TAOK1: variants seen among roughly 807,000 people sequenced by gnomAD.
The protein encoded by TAOK1 is serine/threonine-protein kinase TAO1.
TAOK1 carries 21 observed loss-of-function variants against 138.3 expected under a neutral mutation model. That is an observed-to-expected ratio of 0.15 (90% CI 0.11 to 0.22). The LOEUF (loss-of-function observed/expected upper bound fraction) is 0.22, where lower values mean the gene tolerates loss of function less well. TAOK1 is among the 10% of genes least tolerant of loss of function. The pLI is 1.00. For synonymous variants in TAOK1, 361 were observed against 398.4 expected (o/e 0.91, Z 1.12); for missense variants, 651 against 1,227.7 (o/e 0.53, Z 7.02).
chr17:29,457,906 C>G lies in TAOK1; in HGVS notation c.132+6226C>G, dbSNP rs143457775. Among the ~76,000 whole-genome samples, 17 of 152,008 alleles carry G rather than the reference C, an allele frequency of 1.1e-4. No homozygotes were observed. In the East Asian group the frequency reaches 3.1e-3, roughly 28 times the overall value. Reference sequence around the variant, plus strand: ...CAGGCAGATCAGGAGGTCAGGAGATCGAGACCATCCTGGCTAACACGGTGA... The same window carrying G: ...CAGGCAGATCAGGAGGTCAGGAGATGGAGACCATCCTGGCTAACACGGTGA... On this transcript the variant is annotated intron_variant, in intron 2 of 19. Coordinates refer to ENST00000261716, the MANE Select transcript of TAOK1 (RefSeq NM_020791.4).
chr17:29,548,345 T>C lies in TAOK1; in HGVS notation c.*5323T>C, dbSNP rs2032435518. On this transcript the variant is annotated 3_prime_UTR_variant, in exon 20 of 20. Coordinates refer to ENST00000261716, the MANE Select transcript of TAOK1 (RefSeq NM_020791.4). The stretch of plus-strand genomic sequence containing the variant: ...GAATTAAAACTGGGGAGCCATTTAC[T>C]ATGTCACCATCACTGTTAACTGTTT... 1 of 152,176 alleles carries C rather than the reference T, an allele frequency of 6.6e-6. No individual in the cohort carries two copies. The highest frequency in any genetic ancestry group is 1.5e-5 in the Non-Finnish European group (1 of 68,002). The allele number at this position is 152,176 out of a possible 1,614,324, so 9.4% of individuals were successfully genotyped here. A position where few individuals can be genotyped will look rare whatever the true frequency, so the allele number is the denominator to read the frequency against.
At chr17:29,479,351 A>G (rs1414209977) in intron 6 of TAOK1, among the ~76,000 whole-genome samples, 1 of 152,204 alleles carries the variant, frequency 6.6e-6, no homozygotes, top group Non-Finnish European at 1.5e-5. Context: ...TAAACTATAT[A>G]ATAGAGTCAT....
At chr17:29,504,625 G>A (rs771854356) in intron 13 of TAOK1, among the ~76,000 whole-genome samples, 2 of 150,930 alleles carry the variant, frequency 1.3e-5, no homozygotes, top group African/African-American at 4.9e-5. Flanking sequence ...AGCTGAGATC[G>A]CACTATTGCA....
intron 2 of TAOK1, among the ~76,000 whole-genome samples, chr17:29,455,387 A>G (rs1208020588): frequency 6.6e-6 from 1 of 150,384 alleles, no homozygotes; most frequent in Non-Finnish European, 1.5e-5. Flanking sequence ...GATTCTTTGA[A>G]ATTTCTACGT....
At chr17:29,485,777 G>GTA (rs1181697170) in intron 8 of TAOK1, among the ~76,000 whole-genome samples, 1 of 152,172 alleles carries the variant, frequency 6.6e-6, no homozygotes, top group Non-Finnish European at 1.5e-5. Context: ...TTCTGTATAA[G>GTA]TATATATAAT....
At chr17:29,439,841 G>T (rs1906157784) in intron 1 of TAOK1, among the ~76,000 whole-genome samples, 1 of 133,804 alleles carries the variant, frequency 7.5e-6, no homozygotes, top group Admixed American at 7.9e-5. Context: ...CCAGGGCAAC[G>T]TAGTGAAAAA....
intron 2 of TAOK1, among the ~76,000 whole-genome samples, chr17:29,460,686 T>A (rs1460014622): frequency 6.6e-6 from 1 of 152,234 alleles, no homozygotes; most frequent in Non-Finnish European, 1.5e-5. Flanking sequence ...AATATTTTAT[T>A]TCCATTTGTG....
At chr17:29,458,006 A>C (rs1183262375) in intron 2 of TAOK1, among the ~76,000 whole-genome samples, 1 of 151,926 alleles carries the variant, frequency 6.6e-6, no homozygotes, top group Non-Finnish European at 1.5e-5. Context: ...GCTACTTGGG[A>C]GGCTAAGGCA....
intron 1 of TAOK1, among the ~76,000 whole-genome samples, chr17:29,395,298 A>G (rs1904559844): frequency 6.6e-6 from 1 of 152,098 alleles, no homozygotes; most frequent in Admixed American, 6.6e-5. Context: ...TGGGAGGCCA[A>G]GGTGGGCGGA....
At chr17:29,471,543 C>T (rs2030819190) in intron 3 of TAOK1, among the ~76,000 whole-genome samples, 1 of 151,878 alleles carries the variant, frequency 6.6e-6, no homozygotes, top group South Asian at 2.1e-4. Context: ...TCCCAAAGTG[C>T]TGGAATTACA....
In TAOK1 at chr17:29,510,973, G is replaced by A. The variant is rs1189015197; in HGVS notation, c.1685G>A (p.Arg562Gln). 11 of 1,605,562 alleles carry A rather than the reference G, an allele frequency of 6.9e-6. No homozygotes were observed. Among genetic ancestry groups the A allele is most frequent in the Non-Finnish European group, 9.3e-6 (11 of 1,176,898 alleles). ...TCCCAGAAAAGAGAGTATAAACTTC[G>A]AAAAGAGCAGCTTAAAGAGGTACTT... ...LESQKREYKL[R>Q]KEQLKEELNE... The change falls in exon 15 of 20, where the codon CGA becomes CAA. Residue 562 changes from arginine to glutamine, a missense_variant. By Grantham distance (43) the Arg-to-Gln change is conservative. Transcript: ENST00000261716.
At chr17:29,421,784 G>A (rs1316912230) in intron 1 of TAOK1, among the ~76,000 whole-genome samples, 1 of 151,916 alleles carries the variant, frequency 6.6e-6, no homozygotes, top group Non-Finnish European at 1.5e-5. Context: ...TTTTTGGGGG[G>A]TAGAGATTGG....
intron 2 of TAOK1, among the ~76,000 whole-genome samples, chr17:29,453,984 CT>C (rs757432008): frequency 3.2e-3 from 401 of 125,314 alleles, no homozygotes; most frequent in Admixed American, 3.7e-3. Context: ...AATTTTTTTG[CT>C]TTTTTTTTTT....
At position 29,451,727 on chromosome 17, in the gene TAOK1, C is replaced by T. The variant is rs770878209; in HGVS notation, c.132+47C>T. The T allele has an allele frequency of 2.5e-6, 4 of 1,584,056 alleles. No individual in the cohort carries two copies. In the South Asian group the frequency reaches 3.5e-5, roughly 14 times the overall value. The stretch of plus-strand genomic sequence containing the variant: ...TCAGTGACTAAAATTTACTTAATGT[C>T]CACTCCTGACAGAGCAAAATATAGT... On this transcript the variant is annotated intron_variant, in intron 2 of 19. Coordinates refer to ENST00000261716, the MANE Select transcript of TAOK1 (RefSeq NM_020791.4).
chr17:29,395,575 G>GT (rs1877315298), intron 1 of TAOK1, among the ~76,000 whole-genome samples: 1 of 150,392 alleles, frequency 6.6e-6, no homozygotes, highest in Non-Finnish European at 1.5e-5. Context: ...CTCTAGTAAA[G>GT]TTTCGCATAA....
At chr17:29,538,291 A>G (rs1341262498) in intron 19 of TAOK1, among the ~76,000 whole-genome samples, 1 of 152,180 alleles carries the variant, frequency 6.6e-6, no homozygotes, top group Non-Finnish European at 1.5e-5. Context: ...TTAATGTGAT[A>G]GGTTGATTTT....
At chr17:29,403,076 G>T (rs1332405740) in intron 1 of TAOK1, among the ~76,000 whole-genome samples, 1 of 143,480 alleles carries the variant, frequency 7.0e-6, no homozygotes, top group South Asian at 2.2e-4. Flanking sequence ...CAGGAGAACT[G>T]CTTCAACCTG....
intron 17 of TAOK1, among the ~76,000 whole-genome samples, chr17:29,528,755 G>T (rs1033577171): frequency 2.1e-5 from 3 of 140,578 alleles, no homozygotes; most frequent in African/African-American, 8.1e-5. Context: ...CAGGAAAATC[G>T]ATTGAACCCA....
At chr17:29,535,231 A>G (rs2032203275) in intron 19 of TAOK1, among the ~76,000 whole-genome samples, 1 of 152,102 alleles carries the variant, frequency 6.6e-6, no homozygotes, top group African/African-American at 2.4e-5. Context: ...AGATGGATTG[A>G]GCCTAGAAGG....
Sources: gnomAD v4.1 joint callset for allele counts (sites outside exome capture counted in the v4.1 genomes callset) on GRCh38, gnomAD v4.1.1 for gene constraint, MANE v1.5 for transcripts, NCBI Gene and HGNC (gene_info 2026-07-23, HGNC 2026-07-21) for gene names.